CDK7: variants seen among roughly 807,000 people sequenced by gnomAD.
CDK7 encodes cyclin-dependent kinase 7.
In CDK7, 25 loss-of-function variants were observed where a neutral mutation model predicts 49.1. The ratio of observed to expected loss-of-function variants is 0.51; its 90% CI spans 0.37 to 0.71. CDK7 has a LOEUF of 0.71. CDK7 is among the 30% of genes least tolerant of loss of function. The probability of loss-of-function intolerance (pLI) is 0.00; values close to 1 mark genes in which losing one functional copy is unlikely to be tolerated. For missense variants in CDK7, 316 were observed against 411.7 expected (o/e 0.77, Z 2.01); for synonymous variants, 107 against 140.0 (o/e 0.76, Z 1.67).
At chr5:69,243,860 T>G (rs1357702322) in intron 2 of CDK7, among the ~76,000 whole-genome samples, 1 of 122,994 alleles carries the variant, frequency 8.1e-6, no homozygotes, top group Non-Finnish European at 1.6e-5. Context: ...TGAGATGGAG[T>G]CTCGCACTGT....
chr5:69,249,559 G>GA (rs56882342), intron 2 of CDK7, among the ~76,000 whole-genome samples: 48,768 of 150,622 alleles, frequency 0.32, 10,010 homozygotes, highest in African/African-American at 0.58. Flanking sequence ...TCAAAAAAGG[G>GA]AAAAAAGTGT....
intron 2 of CDK7, among the ~76,000 whole-genome samples, chr5:69,245,306 C>T (rs1297197065): frequency 7.5e-6 from 1 of 134,122 alleles, no homozygotes; most frequent in African/African-American, 2.8e-5. Flanking sequence ...TCCCCCTCCC[C>T]TTCCCCCTCC....
intron 2 of CDK7, among the ~76,000 whole-genome samples, chr5:69,241,561 T>G (rs1047471921): frequency 2.0e-5 from 3 of 152,008 alleles, no homozygotes; most frequent in Admixed American, 6.6e-5. Flanking sequence ...CCTGACCACG[T>G]GATCCGCCTG....
intron 8 of CDK7, among the ~76,000 whole-genome samples, chr5:69,268,166 T>C (rs1751284456): frequency 1.3e-5 from 2 of 152,138 alleles, no homozygotes; most frequent in South Asian, 4.1e-4. Flanking sequence ...TTTCAGCATG[T>C]TGGCCAGACT....
At chr5:69,258,271 C>T (rs1190448602) in intron 6 of CDK7, 118 bp downstream of exon 6, 1 of 564,144 alleles carries the variant, frequency 1.8e-6, no homozygotes, top group Non-Finnish European at 3.1e-6. Flanking sequence ...TGTTTTATCC[C>T]ATCTTTTTGC....
intron 2 of CDK7, among the ~76,000 whole-genome samples, chr5:69,243,826 G>GTTTTTTTTTTTTTT (rs747576681): frequency 3.0e-5 from 2 of 66,400 alleles, no homozygotes; most frequent in Non-Finnish European, 5.5e-5. Context: ...AATGATAGTT[G>GTTTTTTTTTTTTTT]TTTTTTTTTT....
intron 1 of CDK7, 36 bp from the exon 2 acceptor site, chr5:69,235,358 C>T (rs749613307): frequency 1.4e-6 from 2 of 1,459,252 alleles, no homozygotes; most frequent in East Asian, 2.3e-5. Flanking sequence ...CACAAAAACT[C>T]CCATAAACTT....
intron 4 of CDK7, 121 bp from the exon 5 acceptor site, chr5:69,255,339 A>C: frequency 1.7e-6 from 1 of 576,660 alleles, no homozygotes; most frequent in Non-Finnish European, 3.1e-6. Context: ...CAAATGATTT[A>C]AGCTTTATAG....
chr5:69,267,086 A>G (rs1751206003), intron 8 of CDK7, among the ~76,000 whole-genome samples: 1 of 152,128 alleles, frequency 6.6e-6, no homozygotes, highest in Non-Finnish European at 1.5e-5. Context: ...CTTTAGGGAA[A>G]AATAGTTTTC....
At chr5:69,265,338 C>T (rs1253580438) in intron 8 of CDK7, among the ~76,000 whole-genome samples, 2 of 150,712 alleles carry the variant, frequency 1.3e-5, no homozygotes, top group Non-Finnish European at 1.5e-5. Flanking sequence ...TCTAAAGGCT[C>T]TGCATGAAAA....
intron 2 of CDK7, among the ~76,000 whole-genome samples, chr5:69,240,540 G>C (rs1009358086): frequency 1.6e-4 from 25 of 152,334 alleles, no homozygotes; most frequent in Middle Eastern, 3.4e-3. Flanking sequence ...GGTCACTGTT[G>C]AATCTGGGTG....
At position 69,234,901 on chromosome 5, in the gene CDK7, C is replaced by A; in HGVS notation, c.-75C>A. 7.0e-7 allele frequency: 1 copy of A among 1,437,710 alleles called. No homozygotes were observed. Among genetic ancestry groups the A allele is most frequent in the Non-Finnish European group, 9.6e-7 (1 of 1,043,190 alleles). 89.1% of individuals were successfully genotyped at this position (1,437,710 alleles called of 1,614,324 possible). On this transcript the variant is annotated 5_prime_UTR_variant, in exon 1 of 12. Coordinates refer to ENST00000256443, the MANE Select transcript of CDK7 (RefSeq NM_001799.4). ...GGTGGACGGAAGTGGGTGTTGGAGG[C>A]TTTAAGGTAGCTTTAAATTCGTGTT... is the stretch of plus-strand genomic sequence containing the variant.
chr5:69,263,461 C>T (rs1193190949), intron 8 of CDK7, among the ~76,000 whole-genome samples: 9 of 152,154 alleles, frequency 5.9e-5, no homozygotes. Context: ...ACTTGGGAAG[C>T]TGAGGTGGGA....
upstream of CDK7, chr5:69,234,832 G>A (rs866806395): frequency 7.9e-5 from 63 of 802,214 alleles, no homozygotes; most frequent in Middle Eastern, 1.4e-3. Context: ...AGCTTCCTCC[G>A]CCCACCACGG....
intron 10 of CDK7, 69 bp from the exon 11 acceptor site, chr5:69,276,474 A>C (rs1752151763): frequency 2.9e-6 from 4 of 1,381,526 alleles, no homozygotes; most frequent in African/African-American, 1.4e-5. Context: ...ATAATCTTGA[A>C]GGTAAGATTT....
chr5:69,248,136 A>C (rs933008990), intron 2 of CDK7, among the ~76,000 whole-genome samples: 1 of 152,172 alleles, frequency 6.6e-6, no homozygotes, highest in African/African-American at 2.4e-5. Context: ...TGGTGTTTAT[A>C]AAATCTCTCA....
At position 69,271,787 on chromosome 5, in the gene CDK7, C is replaced by T. The variant is rs190096204; in HGVS notation, c.715-1105C>T. On this transcript the variant is annotated intron_variant, in intron 9 of 11. Coordinates refer to ENST00000256443, the MANE Select transcript of CDK7 (RefSeq NM_001799.4). ...TTGGCCTCCCAAAGTGCTGGGATTA[C>T]AGGCATGAGCCACTATGCCCTTGGC... Among the ~76,000 whole-genome samples the T allele has an allele frequency of 8.3e-3, 1,257 of 152,232 alleles. 50 individuals carry two copies. Among genetic ancestry groups the T allele is most frequent in the Admixed American group, 0.076 (1,154 of 15,278 alleles).
intron 8 of CDK7, among the ~76,000 whole-genome samples, chr5:69,262,753 T>G (rs1348295952): frequency 6.6e-6 from 1 of 152,118 alleles, no homozygotes; most frequent in Non-Finnish European, 1.5e-5. Flanking sequence ...AATAGTCCAA[T>G]TTTTAAAAAG....
At chr5:69,273,257 C>T (rs776747000) in intron 10 of CDK7, among the ~76,000 whole-genome samples, 14 of 151,926 alleles carry the variant, frequency 9.2e-5, no homozygotes, top group Admixed American at 5.3e-4. Flanking sequence ...GGAGAGTTTA[C>T]ACTTATTACA....
Sources: allele counts gnomAD v4.1 joint callset (sites outside exome capture counted in the v4.1 genomes callset), GRCh38; gene constraint gnomAD v4.1.1; transcripts MANE v1.5; gene names NCBI Gene and HGNC (gene_info 2026-07-23, HGNC 2026-07-21).